The following FAM53B variants were observed in gnomAD, a reference collection of about 807,000 sequenced individuals.
FAM53B encodes family with sequence similarity 53 member B, also known as protein FAM53B.
A neutral mutation model predicts 32.7 loss-of-function variants in FAM53B; 12 were observed. That is an observed-to-expected ratio of 0.37 (90% confidence interval 0.24 to 0.59). The LOEUF is 0.59. Ranked by LOEUF, FAM53B falls within the 20% of genes least tolerant of loss-of-function variation. The pLI is 0.72. For synonymous variants in FAM53B, 234 were observed against 228.7 expected (o/e 1.02, Z -0.21); for missense variants, 477 against 577.7 (o/e 0.83, Z 1.79).
chr10:124,689,312 A>G (rs1949820161), intron 3 of FAM53B, among the ~76,000 whole-genome samples: 1 of 152,214 alleles, frequency 6.6e-6, no homozygotes, highest in South Asian at 2.1e-4. Flanking sequence ...GCTCCCCCAC[A>G]ATCGTCTCAT....
chr10:124,716,888 T>A (rs1250576098), intron 1 of FAM53B, among the ~76,000 whole-genome samples: 2 of 151,890 alleles, frequency 1.3e-5, no homozygotes, highest in East Asian at 1.9e-4. Flanking sequence ...CAGAGGACAA[T>A]GAGGGGACCG....
At chr10:124,715,819 T>G (rs1950035483) in intron 1 of FAM53B, among the ~76,000 whole-genome samples, 2 of 152,226 alleles carry the variant, frequency 1.3e-5, no homozygotes, top group African/African-American at 4.8e-5. Flanking sequence ...CCGCCTCAGC[T>G]ATAAGTTAAG....
rs566531238 is a variant in FAM53B at position 124,731,810 on chromosome 10, T to C, written c.-175+12203A>G. 7.8e-4 allele frequency among the ~76,000 whole-genome samples: 118 copies of C among 152,228 alleles called. 4 individuals are homozygous for C. The South Asian group carries it at 0.024, about 31-fold the overall frequency. ...CATCACCTCCAAAACTGTAAAATGC[T>C]TCCCCGACCTTGGAGACGGGGACCA... is the stretch of plus-strand genomic sequence containing the variant. On this transcript the variant is annotated intron_variant, in intron 1 of 4. Coordinates refer to ENST00000337318, the MANE Select transcript of FAM53B (RefSeq NM_014661.4).
intron 4 of FAM53B, among the ~76,000 whole-genome samples, chr10:124,662,186 G>T (rs1401249416): frequency 6.6e-6 from 1 of 152,204 alleles, no homozygotes; most frequent in Non-Finnish European, 1.5e-5. Context: ...TGTGACCGTG[G>T]CCGCTACTCT....
chr10:124,658,124 C>T (rs551417994), intron 4 of FAM53B, among the ~76,000 whole-genome samples: 25 of 152,328 alleles, frequency 1.6e-4, no homozygotes, highest in Admixed American at 3.9e-4. Flanking sequence ...CCAGGCTCAC[C>T]CAGCAGACAG....
chr10:124,625,801 A>G (rs1358282657), intron 4 of FAM53B, among the ~76,000 whole-genome samples: 2 of 152,224 alleles, frequency 1.3e-5, no homozygotes, highest in African/African-American at 4.8e-5. Flanking sequence ...GGGTGGCCTC[A>G]GCCGTGTGTC....
Position 124,682,421 on chromosome 10 carries a change from C to T in FAM53B, c.134-42G>A, listed in dbSNP as rs370005394. The T allele has an allele frequency of 5.9e-6, 9 of 1,531,748 alleles. No individual in the cohort carries two copies. Among genetic ancestry groups the T allele is most frequent in the African/African-American group, 1.4e-5 (1 of 73,418 alleles). 94.9% of individuals were successfully genotyped at this position (1,531,748 alleles called of 1,614,324 possible). A position where few individuals can be genotyped will look rare whatever the true frequency, so the allele number is the denominator to read the frequency against. On this transcript the variant is annotated intron_variant, in intron 3 of 4. Coordinates refer to ENST00000337318, the MANE Select transcript of FAM53B (RefSeq NM_014661.4). This position sits in a 1 kb window ranked among gnomAD's most constrained non-coding sequence, Gnocchi z 5.2. ...AAGGAGAAAACAGGATTTGAGAAGA[C>T]CTTCACTCCAGCCCTTTATTATCTC... is the stretch of plus-strand genomic sequence containing the variant.
At chr10:124,720,964 C>T (rs1187579866) in intron 1 of FAM53B, among the ~76,000 whole-genome samples, 1 of 152,150 alleles carries the variant, frequency 6.6e-6, no homozygotes, top group Non-Finnish European at 1.5e-5. Flanking sequence ...CTTTGGGAGG[C>T]CAAGACGGGC....
At chr10:124,661,442 T>C (rs1949630602) in intron 4 of FAM53B, among the ~76,000 whole-genome samples, 1 of 152,080 alleles carries the variant, frequency 6.6e-6, no homozygotes, top group Non-Finnish European at 1.5e-5. Flanking sequence ...AGAGTCTAGC[T>C]CTCCTTGTAA....
chr10:124,693,606 G>A (rs1427956060), intron 3 of FAM53B, among the ~76,000 whole-genome samples: 1 of 152,188 alleles, frequency 6.6e-6, no homozygotes, highest in African/African-American at 2.4e-5. Context: ...ACGGGGTAAG[G>A]CTCCTGACTG....
At chr10:124,680,508 G>A (rs1341877873) in intron 4 of FAM53B, among the ~76,000 whole-genome samples, 2 of 152,174 alleles carry the variant, frequency 1.3e-5, no homozygotes, top group African/African-American at 2.4e-5. Flanking sequence ...TTTGTAAAAG[G>A]AAAGAAGACC....
At chr10:124,658,076 G>A (rs1483840327) in intron 4 of FAM53B, among the ~76,000 whole-genome samples, 1 of 152,190 alleles carries the variant, frequency 6.6e-6, no homozygotes. Context: ...GTTGTGACTG[G>A]TGACTTTTCT....
intron 4 of FAM53B, among the ~76,000 whole-genome samples, chr10:124,632,896 C>G (rs1056527170): frequency 1.2e-4 from 19 of 152,354 alleles, no homozygotes; most frequent in African/African-American, 4.6e-4. Flanking sequence ...CAGGCCTGGG[C>G]TGGAATCCCA....
At chr10:124,630,001 G>C (rs1384221171) in intron 4 of FAM53B, among the ~76,000 whole-genome samples, 1 of 152,160 alleles carries the variant, frequency 6.6e-6, no homozygotes, top group Non-Finnish European at 1.5e-5. Context: ...GGGGCTGACT[G>C]CCCAGGCTCT....
chr10:124,628,299 G>A (rs549104584), intron 4 of FAM53B, among the ~76,000 whole-genome samples: 74 of 152,272 alleles, frequency 4.9e-4, no homozygotes, highest in African/African-American at 1.7e-3. Flanking sequence ...GTGGGCATCC[G>A]GTGACAAAGA....
At chr10:124,671,183 A>G (rs1414365687) in intron 4 of FAM53B, 3 of 453,736 alleles carry the variant, frequency 6.6e-6, no homozygotes, top group Non-Finnish European at 1.3e-5. Context: ...CTCCATTCAC[A>G]GCAGTTGCTT....
intron 2 of FAM53B, among the ~76,000 whole-genome samples, chr10:124,700,363 G>A (rs982254307): frequency 1.3e-5 from 2 of 152,234 alleles, no homozygotes; most frequent in African/African-American, 2.4e-5. Context: ...TCACGGTGTG[G>A]AGGCCCCACC....
intron 4 of FAM53B, among the ~76,000 whole-genome samples, chr10:124,653,695 C>T (rs921240336): frequency 6.6e-6 from 1 of 152,210 alleles, no homozygotes; most frequent in African/African-American, 2.4e-5. Context: ...GTCTCAGCCT[C>T]GCTTTCCTTG....
intron 1 of FAM53B, among the ~76,000 whole-genome samples, chr10:124,710,390 T>C (rs1949992984): frequency 1.3e-5 from 2 of 152,220 alleles, no homozygotes; most frequent in Non-Finnish European, 2.9e-5. Flanking sequence ...TGTGAAATGA[T>C]CTGGGCACGT....
Sources: allele counts gnomAD v4.1 joint callset (sites outside exome capture counted in the v4.1 genomes callset), GRCh38; gene constraint gnomAD v4.1.1; non-coding constraint Gnocchi (gnomAD v3.1); transcripts MANE v1.5; gene names NCBI Gene and HGNC (gene_info 2026-07-23, HGNC 2026-07-21).